Variants in ARHGEF10 observed in about 807,000 individuals in gnomAD.
The protein encoded by ARHGEF10 is Rho guanine nucleotide exchange factor 10.
ARHGEF10 carries 140 observed loss-of-function variants against 147.4 expected under a neutral mutation model. The ratio of observed to expected loss-of-function variants is 0.95; its 90% confidence interval spans 0.83 to 1.09. ARHGEF10 has a LOEUF of 1.09. Ranked by LOEUF, ARHGEF10 falls within the 50% of genes least tolerant of loss-of-function variation. The probability of loss-of-function intolerance (pLI) is 0.00; values close to 1 mark genes in which losing one functional copy is unlikely to be tolerated. For synonymous variants in ARHGEF10, 902 were observed against 695.8 expected (o/e 1.30, Z -4.67); for missense variants, 2,222 against 1,752.7 (o/e 1.27, Z -4.78).
chr8:1,892,285 G>C (rs1460449361), intron 11 of ARHGEF10, among the ~76,000 whole-genome samples: 1 of 120,512 alleles, frequency 8.3e-6, no homozygotes, highest in Non-Finnish European at 1.9e-5. Context: ...CTCTGTGTGT[G>C]TGTGTGTGTG....
chr8:1,846,935 T>G (rs1193826085), intron 2 of ARHGEF10, among the ~76,000 whole-genome samples: 1 of 152,180 alleles, frequency 6.6e-6, no homozygotes, highest in Non-Finnish European at 1.5e-5. Flanking sequence ...TGTTTGTGAG[T>G]ATTTTCAGGC....
chr8:1,890,146 TTGTGAGGAGA>T (rs1809350150), intron 11 of ARHGEF10, among the ~76,000 whole-genome samples: 1 of 29,052 alleles, frequency 3.4e-5, no homozygotes, highest in African/African-American at 1.4e-4. Flanking sequence ...GGGTGAGGGT[TTGTGAGGAGA>T]CACTGAGTGG....
At chr8:1,832,935 GACAGAAGC>G (rs1803288887) in intron 1 of ARHGEF10, among the ~76,000 whole-genome samples, 3 of 107,944 alleles carry the variant, frequency 2.8e-5, no homozygotes, top group Non-Finnish European at 4.0e-5. Context: ...CAGAGGCAGA[GACAGAAGC>G]AGAGACAGAG....
intron 3 of ARHGEF10, among the ~76,000 whole-genome samples, chr8:1,859,367 G>A (rs146278715): frequency 8.9e-3 from 881 of 98,770 alleles, no homozygotes; most frequent in South Asian, 0.015. Context: ...TTGTTTGCCC[G>A]GTGTTTCTTT....
At position 1,864,384 on chromosome 8, in the gene ARHGEF10, G is replaced by A. The variant is rs1444617436; in HGVS notation, c.493G>A (p.Val165Ile). The A allele has an allele frequency of 1.2e-6, 2 of 1,614,042 alleles. No homozygotes were observed. The highest frequency in any genetic ancestry group is 1.3e-5 in the African/African-American group (1 of 74,922). Residue 165 changes from valine to isoleucine, a missense_variant, in exon 5 of 29, where the codon GTC (valine) becomes ATC (isoleucine). Coordinates refer to ENST00000349830, the MANE Select transcript of ARHGEF10 (RefSeq NM_014629.4). ...TTCTTTCCCAGCAGAAACACCAGAA[G>A]TCACAGAAGATCGCCAGCCCAATTC... ...TSLDEEETPE[V>I]TEDRQPNSLS...
At chr8:1,932,268 A>AG (rs11404568) in intron 25 of ARHGEF10, among the ~76,000 whole-genome samples, 142,105 of 152,250 alleles carry the variant, frequency 0.93, 66,340 homozygotes, top group East Asian at 1. Context: ...CAGGAGTGTG[A>AG]GGGGTGTGCA....
intron 11 of ARHGEF10, among the ~76,000 whole-genome samples, chr8:1,886,645 T>C (rs1808682618): frequency 6.6e-6 from 1 of 152,162 alleles, no homozygotes; most frequent in South Asian, 2.1e-4. Context: ...TGGAGACAGT[T>C]GTTGAGGAGC....
At chr8:1,887,399 A>G (rs539396848) in intron 11 of ARHGEF10, among the ~76,000 whole-genome samples, 1 of 151,260 alleles carries the variant, frequency 6.6e-6, no homozygotes, top group Admixed American at 6.6e-5. Flanking sequence ...TGAGTGTGAA[A>G]GAGGCGATGC....
chr8:1,876,828 G>A, intron 8 of ARHGEF10, 94 bp downstream of exon 8: 2 of 1,401,664 alleles, frequency 1.4e-6, no homozygotes, highest in East Asian at 4.6e-5. Context: ...GTACTTCATA[G>A]TGATTTGTTA....
At chr8:1,831,886 C>G (rs947359392) in intron 1 of ARHGEF10, among the ~76,000 whole-genome samples, 1 of 152,174 alleles carries the variant, frequency 6.6e-6, no homozygotes, top group Non-Finnish European at 1.5e-5. Flanking sequence ...TCAGGAGTGC[C>G]CTGGAGGGTG....
At chr8:1,875,799 T>C (rs1807647305) in intron 7 of ARHGEF10, among the ~76,000 whole-genome samples, 1 of 152,220 alleles carries the variant, frequency 6.6e-6, no homozygotes, top group Admixed American at 6.5e-5. Context: ...TGCTGAGATG[T>C]GTATATTCCT....
chr8:1,945,653 C>T lies in ARHGEF10; in HGVS notation c.3395C>T (p.Pro1132Leu). 6.2e-7 allele frequency: 1 copy of T among 1,614,204 alleles called. No individual in the cohort carries two copies. Among genetic ancestry groups the T allele is most frequent in the Non-Finnish European group, 8.5e-7 (1 of 1,180,000 alleles). Residue 1132 changes from proline to leucine, a missense_variant and splice_region_variant, in exon 27 of 29, where the codon CCA becomes CTA. Pro to Leu is a moderately conservative substitution (Grantham distance 98). Coordinates refer to ENST00000349830, the MANE Select transcript of ARHGEF10 (RefSeq NM_014629.4). ...NIATPVHNMLPGHQRLSVTSL... is the reference protein window; with the variant it reads ...NIATPVHNMLLGHQRLSVTSL... ...GCCACCCCTGTTCACAACATGCTGC[C>T]AGGTAAGGGGACGGGACGGGGCCCA...
At chr8:1,843,736 G>T (rs1325880986) in intron 2 of ARHGEF10, among the ~76,000 whole-genome samples, 3 of 152,198 alleles carry the variant, frequency 2.0e-5, no homozygotes, top group Non-Finnish European at 4.4e-5. Context: ...AATCGGAGAT[G>T]GAGCGGGAGG....
At chr8:1,882,342 T>C (rs752110936) in intron 9 of ARHGEF10, among the ~76,000 whole-genome samples, 5 of 152,216 alleles carry the variant, frequency 3.3e-5, no homozygotes, top group Non-Finnish European at 7.3e-5. Context: ...TTGTGCATGT[T>C]AGTGACTCAC....
rs35698984 is a variant in ARHGEF10, at chr8:1,857,879, GATCT to G, written c.38-36_38-33del. ...TGTCTCTGGCTAACATAGATCGATC[GATCT>G]ATCTATCTATCTATCTATCTATCTA... On this transcript the variant is annotated intron_variant, in intron 2 of 28. Coordinates refer to ENST00000349830, the MANE Select transcript of ARHGEF10 (RefSeq NM_014629.4). The G allele has an allele frequency of 0.092, 54,537 of 592,244 alleles. 1,996 individuals carry two copies. Among genetic ancestry groups the G allele is most frequent in the Middle Eastern group, 0.14 (358 of 2,488 alleles). 36.7% of individuals were successfully genotyped at this position (592,244 alleles called of 1,614,324 possible). A position where few individuals can be genotyped will look rare whatever the true frequency, so the allele number is the denominator to read the frequency against.
chr8:1,840,225 G>C (rs1300819212), intron 1 of ARHGEF10, among the ~76,000 whole-genome samples: 1 of 136,362 alleles, frequency 7.3e-6, no homozygotes, highest in African/African-American at 3.0e-5. Flanking sequence ...GGACTGTCTG[G>C]TGTGGAAGCT....
intron 16 of ARHGEF10, chr8:1,904,177 G>GT (rs1222639287): frequency 6.6e-6 from 1 of 152,196 alleles, no homozygotes; most frequent in Non-Finnish European, 1.5e-5. Context: ...AAGAGATGCA[G>GT]GACCCAGAAG....
At position 1,937,994 on chromosome 8, in the gene ARHGEF10, A is replaced by C. The variant is rs754547500; in HGVS notation, c.3222+4052A>C. On this transcript the variant is annotated intron_variant, in intron 26 of 28. Transcript: ENST00000349830. The surrounding 1 kb of genome is among the most constrained non-coding windows in gnomAD (Gnocchi z 4.9). ...ATAACAAAGCAGCACTGGGCGAACC[A>C]GTAGAGACGCTGAGCCGGGTGCTTG... 3.1e-4 allele frequency among the ~76,000 whole-genome samples: 47 copies of C among 152,292 alleles called. No homozygotes were observed. The highest frequency in any genetic ancestry group is 6.3e-4 in the Non-Finnish European group (43 of 68,032).
intron 28 of ARHGEF10, among the ~76,000 whole-genome samples, chr8:1,955,024 T>TAC (rs1815380295): frequency 7.9e-6 from 1 of 126,702 alleles, no homozygotes; most frequent in African/African-American, 3.3e-5. Flanking sequence ...TGAAAGGAGG[T>TAC]GCACTCTCAC....
Sources: allele counts gnomAD v4.1 joint callset (sites outside exome capture counted in the v4.1 genomes callset), GRCh38; gene constraint gnomAD v4.1.1; non-coding constraint Gnocchi (gnomAD v3.1); transcripts MANE v1.5; gene names NCBI Gene and HGNC (gene_info 2026-07-23, HGNC 2026-07-21).